Variants in POLA1 observed in about 807,000 individuals in gnomAD.
The protein encoded by POLA1 is DNA polymerase alpha 1, catalytic subunit.
POLA1 carries 15 observed loss-of-function variants against 124.0 expected under a neutral mutation model. That is an observed-to-expected ratio of 0.12 (90% CI 0.08 to 0.19). The LOEUF (loss-of-function observed/expected upper bound fraction) is 0.19, where lower values mean the gene tolerates loss of function less well. Ranked by LOEUF, POLA1 falls within the 10% of genes least tolerant of loss-of-function variation. POLA1 has a pLI of 1.00. For synonymous variants in POLA1, 408 were observed against 389.4 expected (o/e 1.05, Z -0.56); for missense variants, 886 against 1,103.4 (o/e 0.80, Z 2.79).
chrX:24,857,430 T>C (rs981346449), intron 34 of POLA1, among the ~76,000 whole-genome samples: 2 of 111,953 alleles, frequency 1.8e-5, no homozygotes, highest in African/African-American at 6.5e-5. Context: ...AGAGTCAGCT[T>C]GTCCTTATTA....
At chrX:24,972,077 T>C (rs1463636931) in intron 36 of POLA1, among the ~76,000 whole-genome samples, 7 of 110,524 alleles carry the variant, frequency 6.3e-5, no homozygotes, top group African/African-American at 2.3e-4. Context: ...CAAGCGATTC[T>C]CCTGCCTCAG....
chrX:24,934,352 C>G (rs981025281), intron 36 of POLA1, among the ~76,000 whole-genome samples: 12 of 111,921 alleles, frequency 1.1e-4, no homozygotes, highest in Non-Finnish European at 2.1e-4. Flanking sequence ...GGCCAACACT[C>G]CCTGCCCTGG....
At chrX:24,782,219 A>G (rs1324182212) in intron 26 of POLA1, among the ~76,000 whole-genome samples, 3 of 111,898 alleles carry the variant, frequency 2.7e-5, no homozygotes, top group Non-Finnish European at 5.6e-5. Flanking sequence ...TGGGAAGCCA[A>G]ATTACAATCA....
chrX:24,918,186 A>G (rs2047561490), intron 35 of POLA1, among the ~76,000 whole-genome samples: 1 of 107,578 alleles, frequency 9.3e-6, no homozygotes, highest in Non-Finnish European at 1.9e-5. Flanking sequence ...GATAGCTGAT[A>G]CACACCCCAC....
intron 26 of POLA1, chrX:24,788,910 G>T (rs144300264): frequency 8.3e-7 from 1 of 1,199,916 alleles, no homozygotes; most frequent in African/African-American, 1.8e-5. Context: ...TTATACCAAC[G>T]TAGGGCATGA....
chrX:24,749,673 G>C (rs1932218065), intron 26 of POLA1, among the ~76,000 whole-genome samples: 1 of 111,842 alleles, frequency 8.9e-6, no homozygotes, highest in Non-Finnish European at 1.9e-5. Flanking sequence ...TGTTGCCTTT[G>C]GCATGAGTAA....
intron 35 of POLA1, among the ~76,000 whole-genome samples, chrX:24,918,207 C>CAA (rs764856044): frequency 1.2e-5 from 1 of 82,526 alleles, no homozygotes. Context: ...CCATCACCAC[C>CAA]AAAAAAAAAA....
At chrX:24,796,114 T>C (rs1020438523) in intron 26 of POLA1, among the ~76,000 whole-genome samples, 1 of 110,274 alleles carries the variant, frequency 9.1e-6, no homozygotes, top group Non-Finnish European at 1.9e-5. Context: ...AAAAGGGTGG[T>C]TATGGTTATG....
intron 28 of POLA1, among the ~76,000 whole-genome samples, chrX:24,811,716 A>G (rs1344471242): frequency 9.2e-6 from 1 of 108,594 alleles, no homozygotes; most frequent in Non-Finnish European, 1.9e-5. Context: ...TATGTTTAAG[A>G]TGTGTTCACG....
chrX:24,913,549 T>C (rs1256700233), intron 35 of POLA1, among the ~76,000 whole-genome samples: 2 of 108,255 alleles, frequency 1.8e-5, no homozygotes, highest in East Asian at 5.8e-4. Flanking sequence ...CTGTCTCTAC[T>C]AAAAAACATA....
chrX:24,697,951 T>C (rs1044371535), intron 1 of POLA1, among the ~76,000 whole-genome samples: 4 of 109,224 alleles, frequency 3.7e-5, no homozygotes, highest in Non-Finnish European at 7.6e-5. Context: ...AATTTTTTTT[T>C]TTTTTTTTGA....
At chrX:24,916,031 G>C (rs1340193024) in intron 35 of POLA1, among the ~76,000 whole-genome samples, 1 of 112,050 alleles carries the variant, frequency 8.9e-6, no homozygotes, top group East Asian at 2.8e-4. Context: ...AACAATTAGA[G>C]CCAAGAGGAT....
intron 36 of POLA1, among the ~76,000 whole-genome samples, chrX:24,960,104 G>A (rs1055732863): frequency 9.0e-6 from 1 of 111,140 alleles, no homozygotes; most frequent in African/African-American, 3.3e-5. Flanking sequence ...CACAGTGTCC[G>A]GTTAGATTCA....
chrX:24,735,957 A>G (rs1931247118), intron 18 of POLA1, among the ~76,000 whole-genome samples: 1 of 111,446 alleles, frequency 9.0e-6, no homozygotes, highest in East Asian at 2.8e-4. Context: ...GATCCAGTAT[A>G]TCCCCACTAG....
chrX:24,723,250 T>G lies in POLA1; in HGVS notation c.1183T>G (p.Phe395Val). The change falls in exon 11 of 37, where the codon TTC (phenylalanine) becomes GTC (valine). Residue 395 changes from phenylalanine to valine, a missense_variant. This residue lies in a region of POLA1 where 337 missense variants were observed against 402.8 expected (regional missense o/e 0.84). Transcript: ENST00000379068. ...GAAAAATATCGAGCGAACGCTTTAC[T>G]TCCTTCCCCGTGAAATGGTAAACAT... is the stretch of plus-strand genomic sequence containing the variant. ...MVKNIERTLY[F>V]LPREMKIDLN... 9.3e-6 allele frequency: 11 copies of G among 1,176,735 alleles called. No homozygotes were observed. The highest frequency in any genetic ancestry group is 1.3e-5 in the Non-Finnish European group (11 of 863,568).
chrX:24,900,835 A>G lies in POLA1; in HGVS notation c.4164+12713A>G, dbSNP rs942965691. On this transcript the variant is annotated intron_variant, in intron 35 of 36. Coordinates refer to ENST00000379068, the MANE Select transcript of POLA1 (RefSeq NM_001330360.2). ...TAGGTTTTAGGGCAGCACTCTTTAA[A>G]TAGGATTTCTGAGTCCCAAATCTTT... Among the ~76,000 whole-genome samples, 17 of 111,614 alleles carry G rather than the reference A, an allele frequency of 1.5e-4. 1 individual carries two copies. Among genetic ancestry groups the G allele is most frequent in the Non-Finnish European group, 3.8e-5 (2 of 53,122 alleles).
chrX:24,995,818 G>A lies in POLA1; in HGVS notation c.4275G>A (p.Lys1425=). The change falls in exon 37 of 37, where the codon AAG becomes AAA. Residue 1425 remains lysine, a synonymous_variant. Coordinates refer to ENST00000379068, the MANE Select transcript of POLA1 (RefSeq NM_001330360.2). ...TTDHEKDKLK[K]QFFTPKVLQD... The stretch of plus-strand genomic sequence containing the variant: ...CTCTCTTTTTAGATAAATTGAAGAA[G>A]CAATTTTTTACCCCCAAAGTTCTGC... The A allele has an allele frequency of 1.7e-6, 2 of 1,204,936 alleles. No individual in the cohort carries two copies. The highest frequency in any genetic ancestry group is 2.2e-6 in the Non-Finnish European group (2 of 890,305).
intron 36 of POLA1, among the ~76,000 whole-genome samples, chrX:24,985,203 T>C (rs1017121597): frequency 1.8e-5 from 2 of 112,570 alleles, no homozygotes; most frequent in African/African-American, 6.5e-5. Flanking sequence ...ACTTTTTCTA[T>C]GAAGAGTCAG....
chrX:24,986,849 C>G (rs1197177034), intron 36 of POLA1, among the ~76,000 whole-genome samples: 1 of 110,995 alleles, frequency 9.0e-6, no homozygotes, highest in Non-Finnish European at 1.9e-5. Context: ...CTCCCCCACT[C>G]TTAGGTGCTC....
Sources: gnomAD v4.1 joint callset for allele counts (sites outside exome capture counted in the v4.1 genomes callset) on GRCh38, gnomAD v4.1.1 for gene constraint, gnomAD v4.1.1 regional missense constraint, MANE v1.5 for transcripts, NCBI Gene and HGNC (gene_info 2026-07-23, HGNC 2026-07-21) for gene names.